The following FARS2 variants were observed in gnomAD, a reference collection of about 807,000 sequenced individuals.
FARS2 encodes the protein phenylalanine--tRNA ligase, mitochondrial.
Under a neutral mutation model 46.4 loss-of-function variants are expected in FARS2, and 40 were observed. That is an observed-to-expected ratio of 0.86 (90% CI 0.67 to 1.12). FARS2 has a LOEUF of 1.12. FARS2 is among the 50% of genes most tolerant of loss of function. The pLI is 0.00. For missense variants in FARS2, 513 were observed against 567.9 expected (o/e 0.90, Z 0.98); for synonymous variants, 234 against 214.9 (o/e 1.09, Z -0.78).
chr6:5,268,632 T>A (rs1017760005), intron 1 of FARS2, among the ~76,000 whole-genome samples: 1 of 152,146 alleles, frequency 6.6e-6, no homozygotes, highest in Non-Finnish European at 1.5e-5. Context: ...TGAAGTCAGG[T>A]AGCGTGATGC....
At chr6:5,659,146 G>A (rs1777734202) in intron 6 of FARS2, among the ~76,000 whole-genome samples, 1 of 152,148 alleles carries the variant, frequency 6.6e-6, no homozygotes, top group Admixed American at 6.5e-5. Context: ...CTTAAGCCCT[G>A]GCTGTCCCCA....
intron 1 of FARS2, among the ~76,000 whole-genome samples, chr6:5,328,953 A>G (rs1770592879): frequency 6.6e-6 from 1 of 151,988 alleles, no homozygotes; most frequent in Admixed American, 6.6e-5. Flanking sequence ...TCTTTGCCGG[A>G]GGTAAAGGAT....
intron 1 of FARS2, among the ~76,000 whole-genome samples, chr6:5,340,259 A>G (rs1771463868): frequency 6.6e-6 from 1 of 152,226 alleles, no homozygotes; most frequent in Admixed American, 6.5e-5. Context: ...CCTCTGTCCA[A>G]TACCCCACAT....
intron 1 of FARS2, among the ~76,000 whole-genome samples, chr6:5,315,329 G>A (rs936768391): frequency 3.3e-5 from 5 of 151,512 alleles, no homozygotes; most frequent in African/African-American, 7.3e-5. Context: ...CCCCATTAAC[G>A]TGGCTTTGGT....
At chr6:5,667,871 C>A (rs1474956497) in intron 6 of FARS2, among the ~76,000 whole-genome samples, 2 of 152,204 alleles carry the variant, frequency 1.3e-5, no homozygotes, top group Non-Finnish European at 2.9e-5. Flanking sequence ...GGTGCTATTT[C>A]CTCAAACAAT....
At chr6:5,633,262 C>CT (rs59797062) in intron 6 of FARS2, among the ~76,000 whole-genome samples, 1,675 of 50,104 alleles carry the variant, frequency 0.033, 402 homozygotes, top group Middle Eastern at 0.1. Context: ...CCATCCCTGG[C>CT]TTTTTTTTTT....
intron 4 of FARS2, chr6:5,457,960 G>C (rs1453221128): frequency 6.6e-6 from 1 of 152,248 alleles, no homozygotes; most frequent in Non-Finnish European, 1.5e-5. Context: ...AAGCTGAATG[G>C]GTTTACTTTG....
chr6:5,606,902 T>C (rs1424873484), intron 5 of FARS2, among the ~76,000 whole-genome samples: 1 of 152,088 alleles, frequency 6.6e-6, no homozygotes, highest in Non-Finnish European at 1.5e-5. Context: ...CCAGTCTTTG[T>C]CCCTGAGGAA....
intron 2 of FARS2, among the ~76,000 whole-genome samples, chr6:5,384,166 A>G (rs1209918496): frequency 6.6e-6 from 1 of 152,178 alleles, no homozygotes; most frequent in African/African-American, 2.4e-5. Flanking sequence ...ATTTGTGTGC[A>G]GCTTCCTTGC....
intron 4 of FARS2, among the ~76,000 whole-genome samples, chr6:5,432,495 A>G (rs1485766696): frequency 8.0e-6 from 1 of 125,612 alleles, no homozygotes; most frequent in African/African-American, 3.1e-5. Context: ...TATATATTAT[A>G]TATATTTTTT....
chr6:5,596,463 G>A (rs1774202713), intron 5 of FARS2, among the ~76,000 whole-genome samples: 1 of 152,216 alleles, frequency 6.6e-6, no homozygotes, highest in Non-Finnish European at 1.5e-5. Context: ...GGAGAAAGAA[G>A]ACATCCCTAA....
chr6:5,767,769 A>C (rs982211497), intron 6 of FARS2, among the ~76,000 whole-genome samples: 2 of 152,232 alleles, frequency 1.3e-5, no homozygotes, highest in Non-Finnish European at 2.9e-5. Context: ...AAACTGGTGC[A>C]TAAATGTTTG....
At chr6:5,389,777 A>G (rs1231568570) in intron 2 of FARS2, among the ~76,000 whole-genome samples, 1 of 152,102 alleles carries the variant, frequency 6.6e-6, no homozygotes, top group South Asian at 2.1e-4. Context: ...TCTGTTTCTG[A>G]TTTTCCTCTC....
chr6:5,548,279 C>T (rs1289531563), intron 5 of FARS2, among the ~76,000 whole-genome samples: 1 of 152,146 alleles, frequency 6.6e-6, no homozygotes, highest in African/African-American at 2.4e-5. Flanking sequence ...ATATCATCAA[C>T]TTTAAGGACA....
intron 1 of FARS2, among the ~76,000 whole-genome samples, chr6:5,319,444 C>T (rs771015358): frequency 2.0e-5 from 3 of 152,190 alleles, no homozygotes; most frequent in Non-Finnish European, 4.4e-5. Context: ...TCCCAAGTGC[C>T]GGCAGGCCAC....
At chr6:5,407,909 G>A (rs79251281) in intron 3 of FARS2, among the ~76,000 whole-genome samples, 1 of 152,178 alleles carries the variant, frequency 6.6e-6, no homozygotes, top group Non-Finnish European at 1.5e-5. Flanking sequence ...TTTAGAGGCA[G>A]GGTGAGGTAG....
intron 2 of FARS2, among the ~76,000 whole-genome samples, chr6:5,369,875 TTTG>T (rs999489239): frequency 7.3e-6 from 1 of 136,190 alleles, no homozygotes; most frequent in South Asian, 2.4e-4. Context: ...TGCATCTTTT[TTTG>T]TTGTTTTTTT....
rs532151926 is a variant in FARS2 at position 5,549,881 on chromosome 6, C to A, written c.1065+4541C>A. ...ACATTCAGCCTATCCCAAGGTCCCA[C>A]AAACTCTGAACCCATTGCAAAATCA... On this transcript the variant is annotated intron_variant, in intron 5 of 6. Transcript: ENST00000274680. Among the ~76,000 whole-genome samples, 17 of 152,280 alleles carry A rather than the reference C, an allele frequency of 1.1e-4. No homozygotes were observed. In the East Asian group the frequency reaches 3.3e-3, roughly 29 times the overall value.
At chr6:5,364,599 C>T (rs970835054) in intron 1 of FARS2, among the ~76,000 whole-genome samples, 5 of 152,230 alleles carry the variant, frequency 3.3e-5, no homozygotes, top group South Asian at 4.2e-4. Context: ...CTATAACAGA[C>T]CAGAGAGTGA....
Sources: gnomAD v4.1 joint callset for allele counts (sites outside exome capture counted in the v4.1 genomes callset) on GRCh38, gnomAD v4.1.1 for gene constraint, MANE v1.5 for transcripts, NCBI Gene and HGNC (gene_info 2026-07-23, HGNC 2026-07-21) for gene names.